PLXND1: variants seen among roughly 807,000 people sequenced by gnomAD.
The protein encoded by PLXND1 is plexin D1, also known as plexin-D1.
In PLXND1, 54 loss-of-function variants were observed where a neutral mutation model predicts 197.7. That is an observed-to-expected ratio of 0.27 (90% CI 0.22 to 0.34). The LOEUF (loss-of-function observed/expected upper bound fraction) is 0.34, where lower values mean the gene tolerates loss of function less well. Ranked by LOEUF, PLXND1 falls within the 10% of genes least tolerant of loss-of-function variation. The pLI, the probability that PLXND1 is intolerant of heterozygous loss-of-function variation, is 1.00. For missense variants in PLXND1, 2,127 were observed against 2,699.2 expected, an observed-to-expected ratio of 0.79 and a Z score of 4.70; for synonymous variants, 1,180 against 1,161.2, an observed-to-expected ratio of 1.02 and a Z score of -0.33.
rs1301198264 is a variant in PLXND1 at position 129,606,603 on chromosome 3, C to G, written c.37G>C (p.Ala13Pro). Residue 13 changes from alanine to proline, a missense_variant, in exon 1 of 36, where the codon GCC (alanine) becomes CCC (proline). Ala to Pro is a conservative substitution (Grantham distance 27, BLOSUM62 -1). This residue lies in a region of PLXND1 where 245 missense variants were observed against 267.1 expected (regional missense o/e 0.92). Transcript: ENST00000324093. Reference protein sequence around the residue: ...PRAAGGAPLSARAAAASPPPF... With the variant: ...PRAAGGAPLSPRAAAASPPPF... ...GGGGGGCTGGCGGCGGCGGCCCGGG[C>G]GCTAAGGGGTGCGCCGCCCGCGGCG... 4 of 1,199,050 alleles carry G rather than the reference C, an allele frequency of 3.3e-6. No homozygotes were observed. The highest frequency in any genetic ancestry group is 7.0e-5 in the East Asian group (2 of 28,716). The allele number at this position is 1,199,050 out of a possible 1,614,324, so 74.3% of individuals were successfully genotyped here.
chr3:129,601,994 C>T (rs905073159), intron 1 of PLXND1, among the ~76,000 whole-genome samples: 6 of 152,232 alleles, frequency 3.9e-5, no homozygotes, highest in Admixed American at 2.0e-4. Flanking sequence ...GAGGCGGCCT[C>T]AGCCTCTCAG....
rs368004712 is a variant in PLXND1, at chr3:129,572,890, G to A, written c.2889C>T (p.Thr963=). ...PAPGPLSGVV[T]VNASKEGKSR... The stretch of plus-strand genomic sequence containing the variant: ...ACTTGCCCTCCTTAGAGGCGTTCAC[G>A]GTCACCACACCTGAGAGTGGTCCTG... Residue 963 remains threonine, a synonymous_variant, in exon 14 of 36, where the codon ACC becomes ACT. Transcript: ENST00000324093. 35 of 1,613,758 alleles carry A rather than the reference G, an allele frequency of 2.2e-5. No homozygotes were observed. Among genetic ancestry groups the A allele is most frequent in the Admixed American group, 1.7e-4 (10 of 59,994 alleles).
rs773601154 is a variant in PLXND1 at position 129,586,740 on chromosome 3, A to C, written c.1489-21T>G. ...TTGATCTGTGGGGGTAGTGGGCATC[A>C]GGGTGCTGGAGCCCATAGCAGGGGA... On this transcript the variant is annotated intron_variant, in intron 2 of 35. Transcript: ENST00000324093. 1.3e-5 allele frequency: 21 copies of C among 1,595,542 alleles called. No individual in the cohort carries two copies. The African/African-American group carries it at 2.7e-4, about 20-fold the overall frequency.
At chr3:129,570,671 G>T in intron 19 of PLXND1, 115 bp downstream of exon 19, 2 of 997,144 alleles carry the variant, frequency 2.0e-6, no homozygotes, top group South Asian at 1.4e-5. Context: ...GCTGGACTGA[G>T]CTGTTGAGCG....
intron 26 of PLXND1, 47 bp downstream of exon 26, chr3:129,563,047 G>A: frequency 6.2e-7 from 1 of 1,611,800 alleles, no homozygotes. Context: ...CAATGCCGTT[G>A]GCGGCGACAC....
intron 1 of PLXND1, among the ~76,000 whole-genome samples, chr3:129,590,662 A>G (rs1413868155): frequency 6.6e-6 from 1 of 152,252 alleles, no homozygotes; most frequent in African/African-American, 2.4e-5. Context: ...CACAACAGTA[A>G]ACATAATAAC....
intron 1 of PLXND1, among the ~76,000 whole-genome samples, chr3:129,590,432 T>C (rs1432486782): frequency 6.6e-6 from 1 of 151,862 alleles, no homozygotes; most frequent in East Asian, 1.9e-4. Flanking sequence ...AGACAATAAC[T>C]GTGCAACTCC....
At position 129,569,914 on chromosome 3, in the gene PLXND1, A is replaced by G. The variant is rs775012478; in HGVS notation, c.3794T>C (p.Leu1265Pro). The part of the protein sequence containing the change: ...NFNQTIATLQ[L>P]GGSETAIIVS... ...GATGATGGCCGTCTCGCTGCCCCCC[A>G]GCTGCAGTGTGGCGATGGTCTGGTT... Residue 1265 changes from leucine (L) to proline (P), a missense_variant, in exon 20 of 36, where the codon CTG becomes CCG. This residue lies in a region of PLXND1 where 532 missense variants were observed against 811.0 expected (regional missense o/e 0.66). Coordinates refer to ENST00000324093, the MANE Select transcript of PLXND1 (RefSeq NM_015103.3). The G allele has an allele frequency of 6.2e-7, 1 of 1,613,308 alleles. No individual in the cohort carries two copies. The highest frequency in any genetic ancestry group is 8.5e-7 in the Non-Finnish European group (1 of 1,179,394).
chr3:129,560,578 C>T (rs1361850401), intron 30 of PLXND1, 111 bp downstream of exon 30: 4 of 986,526 alleles, frequency 4.1e-6, no homozygotes, highest in East Asian at 2.4e-5. Context: ...CCCCACCCCC[C>T]AGCCTTTCGC....
In PLXND1 at chr3:129,586,012, G is replaced by C; in HGVS notation, c.1791C>G (p.Pro597=). 6.2e-7 allele frequency: 1 copy of C among 1,613,998 alleles called. No homozygotes were observed. Among genetic ancestry groups the C allele is most frequent in the Middle Eastern group, 1.6e-4 (1 of 6,062 alleles). Residue 597 remains proline, a synonymous_variant, in exon 5 of 36, where the codon CCC becomes CCG. Coordinates refer to ENST00000324093, the MANE Select transcript of PLXND1 (RefSeq NM_015103.3). ...QHFWTSASEG[P]SRCPAMTVLP... is the part of the protein sequence containing the mutation. The stretch of plus-strand genomic sequence containing the variant: ...GGACGGTCATGGCAGGACAGCGGCT[G>C]GGGCCCTCGCTGGCACTGGTCCAGA...
At position 129,605,662 on chromosome 3, in the gene PLXND1, G is replaced by A. The variant is rs924427830; in HGVS notation, c.978C>T (p.Gly326=). ...TGAGCTTCTTGGCGTCGCCGCCGGCGCCGTGGGGCAGGCAGATGCGCGCCA... is the reference window on the plus strand; with the variant it reads ...TGAGCTTCTTGGCGTCGCCGCCGGCACCGTGGGGCAGGCAGATGCGCGCCA... ...SLLARICLPH[G]AGGDAKKLTE... The change falls in exon 1 of 36, where the codon GGC becomes GGT. Residue 326 remains glycine, a synonymous_variant. Coordinates refer to ENST00000324093, the MANE Select transcript of PLXND1 (RefSeq NM_015103.3). The A allele has an allele frequency of 1.3e-6, 2 of 1,537,134 alleles. No individual in the cohort carries two copies. Among genetic ancestry groups the A allele is most frequent in the Non-Finnish European group, 1.7e-6 (2 of 1,145,266 alleles).
In PLXND1 at chr3:129,605,793, A is replaced by G. The variant is rs199609621; in HGVS notation, c.847T>C (p.Phe283Leu). Residue 283 changes from phenylalanine (F) to leucine (L), a missense_variant, in exon 1 of 36, where the codon TTC (phenylalanine) becomes CTC (leucine). Transcript: ENST00000324093. Reference protein sequence around the residue: ...EQHKLGFVSAFLHPSDPPPGA... With the variant: ...EQHKLGFVSALLHPSDPPPGA... The stretch of plus-strand genomic sequence containing the variant: ...GGCGGCGGGTCGGACGGGTGCAGGA[A>G]GGCGCTCACGAAGCCCAGCTTGTGC... 111 of 1,595,830 alleles carry G rather than the reference A, an allele frequency of 7.0e-5. 1 individual carries two copies. In the Admixed American group the frequency reaches 1.9e-3, roughly 28 times the overall value.
chr3:129,561,507 C>T, intron 29 of PLXND1, 139 bp downstream of exon 29: 2 of 641,418 alleles, frequency 3.1e-6, no homozygotes, highest in Admixed American at 2.7e-5. Flanking sequence ...AGGAGGCTGG[C>T]CCCGCCCAGC....
At position 129,577,358 on chromosome 3, in the gene PLXND1, C is replaced by T. The variant is rs982650757; in HGVS notation, c.2346+971G>A. The stretch of plus-strand genomic sequence containing the variant: ...CGGCAGGACTCAAGTCAGGCTCACA[C>T]CTCCCCATCCCAGGCGCCCACGGCC... On this transcript the variant is annotated intron_variant, in intron 9 of 35. Coordinates refer to ENST00000324093, the MANE Select transcript of PLXND1 (RefSeq NM_015103.3). The surrounding 1 kb of genome is among the most constrained non-coding windows in gnomAD (Gnocchi z 5.0). Among the ~76,000 whole-genome samples, 2 of 152,212 alleles carry T rather than the reference C, an allele frequency of 1.3e-5. No homozygotes were observed. The highest frequency in any genetic ancestry group is 2.4e-5 in the African/African-American group (1 of 41,452).
intron 1 of PLXND1, among the ~76,000 whole-genome samples, chr3:129,600,914 A>G (rs761833983): frequency 6.6e-6 from 1 of 151,946 alleles, no homozygotes; most frequent in African/African-American, 2.4e-5. Context: ...TTCCACCTTT[A>G]CTATAAAAAG....
chr3:129,605,264 C>G, intron 1 of PLXND1, 65 bp downstream of exon 1: 67 of 478,200 alleles, frequency 1.4e-4, no homozygotes, highest in South Asian at 2.1e-4. Flanking sequence ...GCTCGGTTCC[C>G]GCCCGCCCCC....
chr3:129,584,665 C>T lies in PLXND1; in HGVS notation c.1852-103G>A. ...AAGGTCTGGCACTGCCTGAATGTCC[C>T]CTGGGGGAAGGGGTAGTGGTGGCCA... On this transcript the variant is annotated intron_variant, in intron 5 of 35. Transcript: ENST00000324093. 6 of 1,128,498 alleles carry T rather than the reference C, an allele frequency of 5.3e-6. No individual in the cohort carries two copies. In the South Asian group the frequency reaches 9.2e-5, roughly 17 times the overall value. The allele number at this position is 1,128,498 out of a possible 1,614,324, so 69.9% of individuals were successfully genotyped here.
At chr3:129,603,238 C>T (rs945189708) in intron 1 of PLXND1, among the ~76,000 whole-genome samples, 2 of 152,312 alleles carry the variant, frequency 1.3e-5, no homozygotes, top group Non-Finnish European at 2.9e-5. Context: ...AGAGGCCCTT[C>T]GCCACTCTGT....
At chr3:129,591,955 C>T (rs531450126) in intron 1 of PLXND1, among the ~76,000 whole-genome samples, 1 of 152,252 alleles carries the variant, frequency 6.6e-6, no homozygotes, top group East Asian at 1.9e-4. Context: ...CCGTGGGTCC[C>T]CTCATCTTCT....
Sources: gnomAD v4.1 joint callset for allele counts (sites outside exome capture counted in the v4.1 genomes callset) on GRCh38, gnomAD v4.1.1 for gene constraint, gnomAD v4.1.1 regional missense constraint, Gnocchi (gnomAD v3.1) non-coding constraint, MANE v1.5 for transcripts, NCBI Gene and HGNC (gene_info 2026-07-23, HGNC 2026-07-21) for gene names.